Variants in CNTNAP2 observed in about 807,000 individuals in gnomAD.
CNTNAP2 encodes the protein contactin-associated protein-like 2.
Under a neutral mutation model 155.2 loss-of-function variants are expected in CNTNAP2, and 98 were observed. The ratio of observed to expected loss-of-function variants is 0.63; its 90% CI spans 0.54 to 0.75. CNTNAP2 has a LOEUF of 0.75. Ranked by LOEUF, CNTNAP2 falls within the 30% of genes least tolerant of loss-of-function variation. The probability of loss-of-function intolerance (pLI) is 0.00; values close to 1 mark genes in which losing one functional copy is unlikely to be tolerated. For synonymous variants in CNTNAP2, 651 were observed against 631.2 expected, an observed-to-expected ratio of 1.03 and a Z score of -0.47; for missense variants, 1,727 against 1,688.1, an observed-to-expected ratio of 1.02 and a Z score of -0.40.
chr7:146,350,151 G>A (rs1794890475), intron 1 of CNTNAP2, among the ~76,000 whole-genome samples: 2 of 152,144 alleles, frequency 1.3e-5, no homozygotes, highest in East Asian at 3.9e-4. Context: ...CATATTTCTT[G>A]GAGGCTTTGT....
Position 148,107,981 on chromosome 7 carries a change from C to T in CNTNAP2, c.2384-10137C>T, listed in dbSNP as rs1585129358. On this transcript the variant is annotated intron_variant, in intron 15 of 23. Coordinates refer to ENST00000361727, the MANE Select transcript of CNTNAP2 (RefSeq NM_014141.6). ...CTGGAGCCAGCCTGGCAGCGACACT[C>T]CTCACCAAACTGCAGCCCAGAGTGC... Among the ~76,000 whole-genome samples, 3 of 152,208 alleles carry T rather than the reference C, an allele frequency of 2.0e-5. No homozygotes were observed. The East Asian group carries it at 5.8e-4, about 29-fold the overall frequency.
intron 1 of CNTNAP2, among the ~76,000 whole-genome samples, chr7:146,292,061 TG>T (rs1467225628): frequency 5.9e-5 from 9 of 151,960 alleles, no homozygotes; most frequent in Non-Finnish European, 2.9e-5. Context: ...GATTAGAAAA[TG>T]GGCAAAGGAG....
intron 1 of CNTNAP2, among the ~76,000 whole-genome samples, chr7:146,370,930 G>C (rs979823652): frequency 6.6e-6 from 1 of 152,044 alleles, no homozygotes; most frequent in South Asian, 2.1e-4. Context: ...TTAAAAGCTT[G>C]ATAGAGCTAT....
chr7:148,139,766 C>G (rs930904265), intron 16 of CNTNAP2, among the ~76,000 whole-genome samples: 2 of 152,092 alleles, frequency 1.3e-5, no homozygotes, highest in African/African-American at 4.8e-5. Flanking sequence ...GTCTCAAACT[C>G]CTGACCTCAT....
chr7:146,461,265 C>T (rs1285647727), intron 1 of CNTNAP2, among the ~76,000 whole-genome samples: 2 of 151,642 alleles, frequency 1.3e-5, no homozygotes, highest in Non-Finnish European at 2.9e-5. Context: ...ATTAGCTGGG[C>T]GTGGTGGCAG....
Position 146,970,078 on chromosome 7 carries a change from T to G in CNTNAP2, c.403-73829T>G, listed in dbSNP as rs1797750635. On this transcript the variant is annotated intron_variant, in intron 3 of 23. Transcript: ENST00000361727. Reference sequence around the variant, plus strand: ...ATTAATTCAAGATGGATTAAAGACTTAAACAATAGACCTAAAACCATAAAA... The same window carrying G: ...ATTAATTCAAGATGGATTAAAGACTGAAACAATAGACCTAAAACCATAAAA... 2.0e-5 allele frequency among the ~76,000 whole-genome samples: 3 copies of G among 152,144 alleles called. No homozygotes were observed. In the South Asian group the frequency reaches 6.2e-4, roughly 31 times the overall value.
chr7:146,737,585 C>T (rs1006764477), intron 1 of CNTNAP2, among the ~76,000 whole-genome samples: 4 of 152,130 alleles, frequency 2.6e-5, no homozygotes, highest in South Asian at 2.1e-4. Flanking sequence ...CCTTATTATA[C>T]GCTTATAACT....
rs576430307 is a variant in CNTNAP2 at position 146,944,600 on chromosome 7, C to T, written c.403-99307C>T. On this transcript the variant is annotated intron_variant, in intron 3 of 23. Transcript: ENST00000361727. Reference sequence around the variant, plus strand: ...TGCATAGAAAAATCTTAAGGCTGCCCAGGCGCGGGGGCTCACACCTGTAAT... The same window carrying T: ...TGCATAGAAAAATCTTAAGGCTGCCTAGGCGCGGGGGCTCACACCTGTAAT... Among the ~76,000 whole-genome samples the T allele has an allele frequency of 2.0e-5, 3 of 152,142 alleles. No homozygotes were observed. In the East Asian group the frequency reaches 5.8e-4, roughly 29 times the overall value.
chr7:147,892,587 AC>A (rs1799713618), intron 13 of CNTNAP2, among the ~76,000 whole-genome samples: 1 of 152,190 alleles, frequency 6.6e-6, no homozygotes, highest in South Asian at 2.1e-4. Flanking sequence ...ATAATCTGTC[AC>A]TTAAATTCCA....
chr7:148,169,590 A>G (rs1185962354), intron 17 of CNTNAP2, among the ~76,000 whole-genome samples: 1 of 152,252 alleles, frequency 6.6e-6, no homozygotes, highest in Non-Finnish European at 1.5e-5. Flanking sequence ...AGAGCGAAAT[A>G]AGTGATAGTG....
At chr7:147,241,515 C>T (rs1023350186) in intron 8 of CNTNAP2, among the ~76,000 whole-genome samples, 1 of 151,702 alleles carries the variant, frequency 6.6e-6, no homozygotes, top group African/African-American at 2.4e-5. Flanking sequence ...GTAATCCCAG[C>T]TACTCAGGAG....
At chr7:146,239,226 G>A (rs1370025577) in intron 1 of CNTNAP2, among the ~76,000 whole-genome samples, 1 of 139,074 alleles carries the variant, frequency 7.2e-6, no homozygotes, top group African/African-American at 3.4e-5. Flanking sequence ...TTTCCCCCCT[G>A]ATGTTATTTT....
At chr7:148,116,502 T>C (rs1804476422) in intron 15 of CNTNAP2, among the ~76,000 whole-genome samples, 1 of 152,196 alleles carries the variant, frequency 6.6e-6, no homozygotes, top group Admixed American at 6.5e-5. Flanking sequence ...AGTAGACAAC[T>C]TGAATTCTGG....
intron 8 of CNTNAP2, among the ~76,000 whole-genome samples, chr7:147,210,423 AG>A (rs1364866584): frequency 6.6e-6 from 1 of 151,734 alleles, no homozygotes; most frequent in East Asian, 1.9e-4. Flanking sequence ...TGTGTTTCTG[AG>A]GGATTGGTTG....
chr7:148,052,435 T>A (rs2710132), intron 15 of CNTNAP2, among the ~76,000 whole-genome samples: 114,602 of 151,016 alleles, frequency 0.76, 44,520 homozygotes, highest in African/African-American at 0.92. Context: ...AAATACAAAC[T>A]GAAACAAGAA....
chr7:146,913,599 A>G (rs963012812), intron 3 of CNTNAP2, among the ~76,000 whole-genome samples: 23 of 152,048 alleles, frequency 1.5e-4, no homozygotes, highest in African/African-American at 5.3e-4. Context: ...ATATCCTCAC[A>G]TGGCACAGAG....
chr7:146,150,847 T>G (rs1341608017), intron 1 of CNTNAP2, among the ~76,000 whole-genome samples: 1 of 152,122 alleles, frequency 6.6e-6, no homozygotes, highest in Admixed American at 6.6e-5. Context: ...AATGAGAATA[T>G]TTAAGATTTA....
intron 1 of CNTNAP2, among the ~76,000 whole-genome samples, chr7:146,224,467 G>T (rs2116902529): frequency 6.6e-6 from 1 of 151,806 alleles, no homozygotes; most frequent in Admixed American, 6.6e-5. Context: ...AAGATTTGGG[G>T]CCGGGCGCGA....
chr7:146,179,758 C>A lies in CNTNAP2; in HGVS notation c.97+62785C>A, dbSNP rs138354931. Reference sequence around the variant, plus strand: ...TGGGGGATAAATGCTTCAGACCTTTCAAAATTTAATTATTGTAGAATATAG... The same window carrying A: ...TGGGGGATAAATGCTTCAGACCTTTAAAAATTTAATTATTGTAGAATATAG... On this transcript the variant is annotated intron_variant, in intron 1 of 23. Coordinates refer to ENST00000361727, the MANE Select transcript of CNTNAP2 (RefSeq NM_014141.6). Among the ~76,000 whole-genome samples the A allele has an allele frequency of 5.2e-3, 794 of 151,942 alleles. 6 individuals carry two copies. Among genetic ancestry groups the A allele is most frequent in the African/African-American group, 0.018 (752 of 41,434 alleles).
Sources: gnomAD v4.1 joint callset for allele counts (sites outside exome capture counted in the v4.1 genomes callset) on GRCh38, gnomAD v4.1.1 for gene constraint, MANE v1.5 for transcripts, NCBI Gene and HGNC (gene_info 2026-07-23, HGNC 2026-07-21) for gene names.